Variants in LRFN2 observed in about 807,000 individuals in gnomAD.
LRFN2 encodes the protein leucine rich repeat and fibronectin type III domain containing 2.
LRFN2 carries 18 observed loss-of-function variants against 37.3 expected under a neutral mutation model. The ratio of observed to expected loss-of-function variants is 0.48; its 90% confidence interval spans 0.33 to 0.72. The LOEUF (loss-of-function observed/expected upper bound fraction) is 0.72, where lower values mean the gene tolerates loss of function less well. LRFN2 is among the 30% of genes least tolerant of loss of function. The pLI, the probability that LRFN2 is intolerant of heterozygous loss-of-function variation, is 0.02. For synonymous variants in LRFN2, 556 were observed against 466.6 expected, an observed-to-expected ratio of 1.19 and a Z score of -2.47; for missense variants, 1,006 against 1,060.7, an observed-to-expected ratio of 0.95 and a Z score of 0.72.
chr6:40,503,511 A>G (rs555728547), intron 1 of LRFN2, among the ~76,000 whole-genome samples: 1 of 152,334 alleles, frequency 6.6e-6, no homozygotes, highest in South Asian at 2.1e-4. Context: ...TCTATTGTAG[A>G]CAGGTAGCGT....
At chr6:40,586,047 C>A (rs1767497325) in intron 1 of LRFN2, among the ~76,000 whole-genome samples, 1 of 152,192 alleles carries the variant, frequency 6.6e-6, no homozygotes, top group African/African-American at 2.4e-5. Flanking sequence ...CTGCGGTCTC[C>A]ACTCAGGCTC....
chr6:40,432,761 T>A lies in LRFN2; in HGVS notation c.353A>T (p.Asp118Val). The A allele has an allele frequency of 6.2e-7, 1 of 1,614,158 alleles. No individual in the cohort carries two copies. The highest frequency in any genetic ancestry group is 8.5e-7 in the Non-Finnish European group (1 of 1,180,030). ...DSNRLPSLGE[D>V]TLRGLVNLQH... Reference sequence around the variant, plus strand: ...CAGGTTGACCAGGCCCCGGAGGGTGTCCTCCCCAAGGCTTGGCAGCCGATT... The same window carrying A: ...CAGGTTGACCAGGCCCCGGAGGGTGACCTCCCCAAGGCTTGGCAGCCGATT... Residue 118 changes from aspartate to valine, a missense_variant, in exon 2 of 3, where the codon GAC (aspartate) becomes GTC (valine). This residue lies in a region of LRFN2 where 185 missense variants were observed against 254.9 expected (regional missense o/e 0.73). Transcript: ENST00000338305.
At chr6:40,536,822 C>G (rs373417101) in intron 1 of LRFN2, among the ~76,000 whole-genome samples, 1 of 152,156 alleles carries the variant, frequency 6.6e-6, no homozygotes, top group Non-Finnish European at 1.5e-5. Context: ...AGCCTTATCT[C>G]CTGGCCCCTG....
intron 2 of LRFN2, among the ~76,000 whole-genome samples, chr6:40,405,777 AAGG>A (rs1174594235): frequency 5.3e-5 from 8 of 152,258 alleles, no homozygotes; most frequent in Admixed American, 5.2e-4. Flanking sequence ...AGTGTTAGTA[AAGG>A]CCTGGCTGAG....
chr6:40,462,741 C>A (rs1249173736), intron 1 of LRFN2, among the ~76,000 whole-genome samples: 1 of 152,136 alleles, frequency 6.6e-6, no homozygotes, highest in Non-Finnish European at 1.5e-5. Context: ...GATGAAGGCA[C>A]CAAGGCTCAC....
intron 1 of LRFN2, among the ~76,000 whole-genome samples, chr6:40,447,103 C>G (rs540116031): frequency 7.4e-4 from 112 of 152,098 alleles, no homozygotes; most frequent in African/African-American, 2.6e-3. Context: ...GTGTCTCCCC[C>G]AGACTGGGGT....
chr6:40,507,283 T>C (rs1022229763), intron 1 of LRFN2, among the ~76,000 whole-genome samples: 5 of 152,050 alleles, frequency 3.3e-5, no homozygotes, highest in Non-Finnish European at 7.4e-5. Flanking sequence ...TAGTTCATGA[T>C]CTAAAAGGGG....
intron 1 of LRFN2, among the ~76,000 whole-genome samples, chr6:40,498,420 A>G (rs762238131): frequency 2.0e-5 from 3 of 152,332 alleles, no homozygotes; most frequent in Admixed American, 6.5e-5. Context: ...GGATCCTGAC[A>G]TATTTATAAA....
At chr6:40,503,746 G>A (rs981206701) in intron 1 of LRFN2, among the ~76,000 whole-genome samples, 7 of 152,186 alleles carry the variant, frequency 4.6e-5, no homozygotes, top group South Asian at 4.1e-4. Context: ...GATTCAGGGC[G>A]TGCCATTGGA....
At chr6:40,406,210 A>G (rs996067480) in intron 2 of LRFN2, among the ~76,000 whole-genome samples, 1 of 152,196 alleles carries the variant, frequency 6.6e-6, no homozygotes, top group Non-Finnish European at 1.5e-5. Context: ...CAGGGTTGCT[A>G]CGAGGATGAA....
intron 2 of LRFN2, among the ~76,000 whole-genome samples, chr6:40,403,546 A>C (rs2113798904): frequency 6.6e-6 from 1 of 152,280 alleles, no homozygotes; most frequent in African/African-American, 2.4e-5. Context: ...TTAGACTCTC[A>C]GTGAGTGAAG....
intron 1 of LRFN2, among the ~76,000 whole-genome samples, chr6:40,469,094 C>T (rs1281758553): frequency 2.0e-5 from 3 of 152,110 alleles, no homozygotes; most frequent in African/African-American, 7.2e-5. Context: ...AATCCCATGA[C>T]AAATGCCCTT....
chr6:40,479,607 G>A (rs1764782135), intron 1 of LRFN2, among the ~76,000 whole-genome samples: 1 of 152,206 alleles, frequency 6.6e-6, no homozygotes, highest in Admixed American at 6.5e-5. Context: ...CCTGGGAGAA[G>A]CATAATCCTG....
At chr6:40,462,796 G>T (rs1470037369) in intron 1 of LRFN2, among the ~76,000 whole-genome samples, 2 of 152,190 alleles carry the variant, frequency 1.3e-5, no homozygotes, top group Non-Finnish European at 2.9e-5. Flanking sequence ...GGTCAGTCTG[G>T]CCACAGTGCA....
intron 1 of LRFN2, among the ~76,000 whole-genome samples, chr6:40,529,838 C>T (rs892166776): frequency 1.3e-5 from 2 of 152,240 alleles, no homozygotes; most frequent in South Asian, 2.1e-4. Flanking sequence ...AAAGTGCATG[C>T]TCAGCCTAGT....
chr6:40,577,795 AT>A (rs10711458), intron 1 of LRFN2, among the ~76,000 whole-genome samples: 1,637 of 119,018 alleles, frequency 0.014, 29 homozygotes, highest in East Asian at 0.046. Flanking sequence ...GAAAAAATAA[AT>A]AAATAAATAA....
chr6:40,509,556 C>T (rs1234498651), intron 1 of LRFN2, among the ~76,000 whole-genome samples: 2 of 150,916 alleles, frequency 1.3e-5, no homozygotes, highest in Non-Finnish European at 3.0e-5. Context: ...CACTGGGCTC[C>T]GCAGGTAAGG....
intron 1 of LRFN2, among the ~76,000 whole-genome samples, chr6:40,534,399 A>T (rs1228054371): frequency 1.3e-5 from 2 of 149,416 alleles, no homozygotes; most frequent in South Asian, 2.2e-4. Context: ...AGACCCTGAG[A>T]CCCCCCCACT....
At chr6:40,463,670 ATTTTTTTTT>A (rs66745321) in intron 1 of LRFN2, among the ~76,000 whole-genome samples, 5 of 76,532 alleles carry the variant, frequency 6.5e-5, no homozygotes, top group African/African-American at 2.0e-4. Context: ...CTTTCTTTCT[ATTTTTTTTT>A]TTTTTTTTTT....
Sources: gnomAD v4.1 joint callset for allele counts (sites outside exome capture counted in the v4.1 genomes callset) on GRCh38, gnomAD v4.1.1 for gene constraint, gnomAD v4.1.1 regional missense constraint, MANE v1.5 for transcripts, NCBI Gene and HGNC (gene_info 2026-07-23, HGNC 2026-07-21) for gene names.